The following MDFIC2 variants were observed in gnomAD, a reference collection of about 807,000 sequenced individuals.
MDFIC2 encodes myoD family inhibitor domain-containing protein 2.
chr3:70,262,713 A>T (rs988091563), intron 2 of MDFIC2, among the ~76,000 whole-genome samples: 1 of 152,156 alleles, frequency 6.6e-6, no homozygotes, highest in Non-Finnish European at 1.5e-5. Context: ...GCTTGGGGTT[A>T]TTGGAGATTC....
intron 2 of MDFIC2, among the ~76,000 whole-genome samples, chr3:70,303,698 C>T (rs1054627786): frequency 6.6e-6 from 1 of 151,888 alleles, no homozygotes; most frequent in Non-Finnish European, 1.5e-5. Context: ...TTTTATTTTT[C>T]TGAGGTGGAG....
At chr3:70,292,740 CAT>C (rs1198585905) in intron 2 of MDFIC2, among the ~76,000 whole-genome samples, 1 of 151,964 alleles carries the variant, frequency 6.6e-6, no homozygotes, top group Non-Finnish European at 1.5e-5. Context: ...CACACACACA[CAT>C]GCACACACAC....
chr3:70,219,361 A>G (rs1435211778), intron 2 of MDFIC2, among the ~76,000 whole-genome samples: 20 of 152,198 alleles, frequency 1.3e-4, no homozygotes, highest in Admixed American at 1.2e-3. Context: ...TTCACAAACC[A>G]TATTTTGTGT....
chr3:70,250,914 AT>A (rs1701759268), intron 2 of MDFIC2, among the ~76,000 whole-genome samples: 1 of 152,254 alleles, frequency 6.6e-6, no homozygotes, highest in Non-Finnish European at 1.5e-5. Context: ...GCTGAAAAAA[AT>A]GGTCTCCAAT....
intron 2 of MDFIC2, among the ~76,000 whole-genome samples, chr3:70,220,928 G>C: frequency 6.6e-6 from 1 of 152,258 alleles, no homozygotes. Flanking sequence ...AGGGCTTGGC[G>C]TAAAGGGTGA....
intron 2 of MDFIC2, among the ~76,000 whole-genome samples, chr3:70,209,589 C>T (rs1036133466): frequency 6.6e-6 from 1 of 152,076 alleles, no homozygotes; most frequent in Non-Finnish European, 1.5e-5. Flanking sequence ...GGTAAATTGT[C>T]CAAGGCCTCC....
chr3:70,274,571 C>A (rs780438516), intron 2 of MDFIC2, among the ~76,000 whole-genome samples: 1 of 152,048 alleles, frequency 6.6e-6, no homozygotes. Context: ...TAAGTGGGAG[C>A]TGAACAATGA....
intron 2 of MDFIC2, among the ~76,000 whole-genome samples, chr3:70,239,970 C>G (rs1245599229): frequency 6.6e-6 from 1 of 151,762 alleles, no homozygotes; most frequent in African/African-American, 2.4e-5. Context: ...AAGTAGTAAG[C>G]TTTGAAATTG....
At chr3:70,288,013 C>T (rs1163631131) in intron 2 of MDFIC2, among the ~76,000 whole-genome samples, 1 of 151,940 alleles carries the variant, frequency 6.6e-6, no homozygotes, top group African/African-American at 2.4e-5. Context: ...AAACCAGCTC[C>T]TGGATTCATT....
At chr3:70,229,396 T>C (rs768520461) in intron 2 of MDFIC2, among the ~76,000 whole-genome samples, 2 of 152,206 alleles carry the variant, frequency 1.3e-5, no homozygotes, top group East Asian at 1.9e-4. Context: ...ATCATTTTAA[T>C]TACCCTCTCT....
intron 2 of MDFIC2, among the ~76,000 whole-genome samples, chr3:70,226,141 G>A (rs1240605141): frequency 6.6e-6 from 1 of 152,148 alleles, no homozygotes; most frequent in Non-Finnish European, 1.5e-5. Context: ...AGATAAATTT[G>A]AAGGAGGACA....
At chr3:70,282,134 A>C (rs1030823171) in intron 2 of MDFIC2, among the ~76,000 whole-genome samples, 3 of 152,072 alleles carry the variant, frequency 2.0e-5, no homozygotes, top group Non-Finnish European at 4.4e-5. Context: ...TGGGTCAGGG[A>C]ACCAAAATCT....
At chr3:70,283,903 T>G (rs1328122099) in intron 2 of MDFIC2, 1 of 152,144 alleles carries the variant, frequency 6.6e-6, no homozygotes. Context: ...ATCAAGTATT[T>G]AATACATGTG....
intron 2 of MDFIC2, among the ~76,000 whole-genome samples, chr3:70,243,628 G>T (rs1223851699): frequency 6.6e-6 from 1 of 152,126 alleles, no homozygotes; most frequent in East Asian, 1.9e-4. Context: ...GGGTTGGGTG[G>T]CAGCGTCCCT....
chr3:70,249,590 G>A (rs1701740476), intron 2 of MDFIC2: 1 of 151,512 alleles, frequency 6.6e-6, no homozygotes, highest in Admixed American at 6.6e-5. Context: ...ATATATCATT[G>A]CAGGTGCCCC....
chr3:70,211,136 TC>T (rs1701340669), intron 2 of MDFIC2, among the ~76,000 whole-genome samples: 1 of 152,130 alleles, frequency 6.6e-6, no homozygotes, highest in African/African-American at 2.4e-5. Context: ...GTCCTCTGAT[TC>T]TATTCTTGTT....
At chr3:70,245,707 A>ATG (rs1375902894) in intron 2 of MDFIC2, among the ~76,000 whole-genome samples, 4 of 139,394 alleles carry the variant, frequency 2.9e-5, no homozygotes, top group African/African-American at 1.0e-4. Context: ...ATATATATAT[A>ATG]TATATATACA....
chr3:70,217,136 T>TTAA (rs764215258), intron 2 of MDFIC2, among the ~76,000 whole-genome samples: 4 of 152,094 alleles, frequency 2.6e-5, no homozygotes, highest in Non-Finnish European at 5.9e-5. Flanking sequence ...CTAATGAAAG[T>TTAA]TTGTCTGTGT....
chr3:70,197,410 C>G (rs758451165), intron 3 of MDFIC2, among the ~76,000 whole-genome samples: 1 of 152,100 alleles, frequency 6.6e-6, no homozygotes, highest in Non-Finnish European at 1.5e-5. Flanking sequence ...CCTATTGATT[C>G]GACATAATCT....
Sources: gnomAD v4.1 joint callset for allele counts (sites outside exome capture counted in the v4.1 genomes callset) on GRCh38, gnomAD v4.1.1 for gene constraint, MANE v1.5 for transcripts, NCBI Gene and HGNC (gene_info 2026-07-23, HGNC 2026-07-21) for gene names.